ONECUT2: variants seen among roughly 807,000 people sequenced by gnomAD.
ONECUT2 encodes one cut domain family member 2.
A neutral mutation model predicts 27.9 loss-of-function variants in ONECUT2; 10 were observed. The ratio of observed to expected loss-of-function variants is 0.36; its 90% CI spans 0.22 to 0.61. ONECUT2 has a LOEUF of 0.61. Among genes scored for constraint, ONECUT2 ranks in the 20% least tolerant of loss-of-function variants. The pLI, the probability that ONECUT2 is intolerant of heterozygous loss-of-function variation, is 0.73. For synonymous variants in ONECUT2, 334 were observed against 315.1 expected (o/e 1.06, Z -0.64); for missense variants, 686 against 721.0 (o/e 0.95, Z 0.56).
intron 1 of ONECUT2, among the ~76,000 whole-genome samples, chr18:57,454,409 G>A (rs542394465): frequency 3.2e-4 from 49 of 152,234 alleles, no homozygotes; most frequent in Non-Finnish European, 5.4e-4. Context: ...GACAGCATGA[G>A]CCAAACAGAT....
intron 1 of ONECUT2, among the ~76,000 whole-genome samples, chr18:57,467,999 A>G (rs2050333428): frequency 6.6e-6 from 1 of 152,182 alleles, no homozygotes; most frequent in Non-Finnish European, 1.5e-5. Flanking sequence ...CAGTGCTCCA[A>G]CTAGCCCATA....
Position 57,482,255 on chromosome 18 carries a change from G to T in ONECUT2, c.*5532G>T, listed in dbSNP as rs2050419838. 1.3e-5 allele frequency: 2 copies of T among 152,130 alleles called. No individual in the cohort carries two copies. Among genetic ancestry groups the T allele is most frequent in the Non-Finnish European group, 2.9e-5 (2 of 68,014 alleles). 9.4% of individuals were successfully genotyped at this position (152,130 alleles called of 1,614,324 possible). ...TTCCAAGGTCGGGGAGGGAAAGAGGGGAGGGTTTATCTGTTTTAGAAAGTC... is the reference window on the plus strand; with the variant it reads ...TTCCAAGGTCGGGGAGGGAAAGAGGTGAGGGTTTATCTGTTTTAGAAAGTC... On this transcript the variant is annotated 3_prime_UTR_variant, in exon 2 of 2. Coordinates refer to ENST00000491143, the MANE Select transcript of ONECUT2 (RefSeq NM_004852.3).
chr18:57,438,216 C>CGGGCCCAGAG (rs2050154246), intron 1 of ONECUT2, among the ~76,000 whole-genome samples: 1 of 152,362 alleles, frequency 6.6e-6, no homozygotes, highest in South Asian at 2.1e-4. Context: ...GAGCAAGCCA[C>CGGGCCCAGAG]GGGCCCAGAG....
At chr18:57,439,755 G>A (rs1182121961) in intron 1 of ONECUT2, among the ~76,000 whole-genome samples, 1 of 152,150 alleles carries the variant, frequency 6.6e-6, no homozygotes, top group East Asian at 1.9e-4. Context: ...GGCTCGGCCG[G>A]ACTCTCAGAC....
intron 1 of ONECUT2, among the ~76,000 whole-genome samples, chr18:57,449,312 TA>T (rs1481393917): frequency 2.0e-5 from 3 of 152,300 alleles, no homozygotes; most frequent in Admixed American, 2.0e-4. Context: ...AGGCAGCCAA[TA>T]AATATCTGTG....
chr18:57,471,368 A>G (rs8085086), intron 1 of ONECUT2, among the ~76,000 whole-genome samples: 3,141 of 152,256 alleles, frequency 0.021, 116 homozygotes, highest in African/African-American at 0.071. Flanking sequence ...GGCATGGAGA[A>G]AGGGTCAGTT....
rs2050145710 is a variant in ONECUT2, at chr18:57,436,834, G to A, written c.1118G>A (p.Arg373Gln). ...RSQGTLSDLL[R>Q]NPKPWSKLKS... ...CAGGGGACTCTCTCCGACCTGCTCC[G>A]GAATCCAAAACCGTGGAGTAAACTC... Residue 373 changes from arginine to glutamine, a missense_variant, in exon 1 of 2, where the codon CGG becomes CAG. Arg to Gln is a conservative substitution (Grantham distance 43). This residue lies in a region of ONECUT2 where 47 missense variants were observed against 86.0 expected (regional missense o/e 0.55). Transcript: ENST00000491143. This position sits in a 1 kb window ranked among gnomAD's most constrained non-coding sequence, Gnocchi z 5.9. 6.2e-7 allele frequency: 1 copy of A among 1,613,970 alleles called. No homozygotes were observed. The highest frequency in any genetic ancestry group is 1.7e-5 in the Admixed American group (1 of 60,036).
intron 1 of ONECUT2, among the ~76,000 whole-genome samples, chr18:57,458,485 A>G (rs2050272416): frequency 2.6e-5 from 4 of 152,370 alleles, no homozygotes; most frequent in Middle Eastern, 3.4e-3. Flanking sequence ...CACTGCATGC[A>G]TCATTCCAAA....
At chr18:57,443,367 C>T (rs985740757) in intron 1 of ONECUT2, among the ~76,000 whole-genome samples, 4 of 152,130 alleles carry the variant, frequency 2.6e-5, no homozygotes, top group African/African-American at 9.7e-5. Flanking sequence ...TTTTAGGGAC[C>T]TTTGTTTTTG....
At chr18:57,456,029 A>G (rs1366582197) in intron 1 of ONECUT2, among the ~76,000 whole-genome samples, 1 of 152,246 alleles carries the variant, frequency 6.6e-6, no homozygotes, top group Admixed American at 6.5e-5. Context: ...CTGAAAGTTT[A>G]TTTGACCTCA....
intron 1 of ONECUT2, 112 bp downstream of exon 1, chr18:57,437,056 T>C (rs979054397): frequency 3.5e-6 from 5 of 1,445,140 alleles, no homozygotes; most frequent in African/African-American, 1.4e-5. Context: ...TCCTTCTCTT[T>C]CCTATACACG....
Position 57,444,719 on chromosome 18 carries a change from A to G in ONECUT2, c.1228+7775A>G, listed in dbSNP as rs368443048. ...AGGGCCAGGGAAACCTTTCATATTG[A>G]TCCTATTGATCCAACCTTTCCCTTT... On this transcript the variant is annotated intron_variant, in intron 1 of 1. Transcript: ENST00000491143. Among the ~76,000 whole-genome samples, 119 of 152,346 alleles carry G rather than the reference A, an allele frequency of 7.8e-4. 5 individuals are homozygous for G. The South Asian group carries it at 0.023, about 29-fold the overall frequency.
intron 1 of ONECUT2, chr18:57,467,025 CT>C (rs1459371927): frequency 2.7e-6 from 1 of 376,098 alleles, no homozygotes; most frequent in Non-Finnish European, 5.3e-6. Context: ...CAGGGGCACT[CT>C]GGGCCTTTTT....
rs996727305 is a variant in ONECUT2 at position 57,444,892 on chromosome 18, G to A, written c.1228+7948G>A. On this transcript the variant is annotated intron_variant, in intron 1 of 1. Coordinates refer to ENST00000491143, the MANE Select transcript of ONECUT2 (RefSeq NM_004852.3). ...ATGGGAAGGGGGGTGGGAAGAGAGG[G>A]GGTCAGGAGGCAGAATTGTGGGAAG... Among the ~76,000 whole-genome samples, 4 of 152,158 alleles carry A rather than the reference G, an allele frequency of 2.6e-5. No individual in the cohort carries two copies. The East Asian group carries it at 5.8e-4, about 22-fold the overall frequency.
At position 57,481,681 on chromosome 18, in the gene ONECUT2, C is replaced by T. The variant is rs186063682; in HGVS notation, c.*4958C>T. On this transcript the variant is annotated 3_prime_UTR_variant, in exon 2 of 2. Coordinates refer to ENST00000491143, the MANE Select transcript of ONECUT2 (RefSeq NM_004852.3). ...ATTACCAAAGTGTCATGACAGTATGCCTTTGTAGTGAACTCGGATTTTCAG... is the reference window on the plus strand; with the variant it reads ...ATTACCAAAGTGTCATGACAGTATGTCTTTGTAGTGAACTCGGATTTTCAG... 6.6e-6 allele frequency: 1 copy of T among 152,072 alleles called. No homozygotes were observed. The highest frequency in any genetic ancestry group is 6.5e-5 in the Admixed American group (1 of 15,276). 9.4% of individuals were successfully genotyped at this position (152,072 alleles called of 1,614,324 possible).
chr18:57,467,345 GT>G lies in ONECUT2; in HGVS notation c.1229-9082del, dbSNP rs869129294. Reference sequence around the variant, plus strand: ...CCATTGATCATCCACATTTCCTTTGGTTTTTTTTTTGTTTGTTTGTTTGTTT... The same window carrying G: ...CCATTGATCATCCACATTTCCTTTGGTTTTTTTTTGTTTGTTTGTTTGTTT... On this transcript the variant is annotated intron_variant, in intron 1 of 1. Transcript: ENST00000491143. 5.0e-4 allele frequency: 112 copies of G among 225,336 alleles called. 1 individual carries two copies. The highest frequency in any genetic ancestry group is 2.3e-3 in the East Asian group (17 of 7,542). 14.0% of individuals were successfully genotyped at this position (225,336 alleles called of 1,614,324 possible).
chr18:57,461,799 G>A (rs1400684498), intron 1 of ONECUT2, among the ~76,000 whole-genome samples: 1 of 152,242 alleles, frequency 6.6e-6, no homozygotes, highest in Non-Finnish European at 1.5e-5. Flanking sequence ...CATGTGGGCA[G>A]GGCAGGCTCT....
intron 1 of ONECUT2, among the ~76,000 whole-genome samples, chr18:57,471,574 GTTT>G (rs2050354084): frequency 6.6e-6 from 1 of 152,088 alleles, no homozygotes; most frequent in Non-Finnish European, 1.5e-5. Context: ...GGCTTCCCTT[GTTT>G]TACCCTGGGA....
intron 1 of ONECUT2, among the ~76,000 whole-genome samples, chr18:57,470,134 C>T (rs143292546): frequency 2.0e-5 from 3 of 152,192 alleles, no homozygotes; most frequent in South Asian, 4.1e-4. Flanking sequence ...TGATACAGGC[C>T]GTGCTTGGCT....
Sources: gnomAD v4.1 joint callset for allele counts (sites outside exome capture counted in the v4.1 genomes callset) on GRCh38, gnomAD v4.1.1 for gene constraint, gnomAD v4.1.1 regional missense constraint, Gnocchi (gnomAD v3.1) non-coding constraint, MANE v1.5 for transcripts, NCBI Gene and HGNC (gene_info 2026-07-23, HGNC 2026-07-21) for gene names.